Variants in MAP2 observed in about 807,000 individuals in gnomAD.
The protein encoded by MAP2 is microtubule associated protein 2.
MAP2 carries 14 observed loss-of-function variants against 137.6 expected under a neutral mutation model. The observed-to-expected ratio is 0.10, with a 90% CI of 0.07 to 0.16. The LOEUF is 0.16. Among genes scored for constraint, MAP2 ranks in the 10% least tolerant of loss-of-function variants. MAP2 has a pLI of 1.00. For synonymous variants in MAP2, 786 were observed against 782.3 expected, an observed-to-expected ratio of 1.00 and a Z score of -0.08; for missense variants, 2,088 against 2,191.5, an observed-to-expected ratio of 0.95 and a Z score of 0.94.
At chr2:209,466,773 T>G (rs1704230236) in intron 1 of MAP2, among the ~76,000 whole-genome samples, 1 of 152,092 alleles carries the variant, frequency 6.6e-6, no homozygotes, top group Non-Finnish European at 1.5e-5. Context: ...ACTTGTGGAG[T>G]TTCTCTAATG....
chr2:209,518,456 A>G (rs960740292), intron 2 of MAP2, among the ~76,000 whole-genome samples: 3 of 152,078 alleles, frequency 2.0e-5, no homozygotes, highest in Admixed American at 1.3e-4. Context: ...ACATTTCTTG[A>G]AAGGGGTCTA....
intron 3 of MAP2, among the ~76,000 whole-genome samples, chr2:209,588,604 G>A (rs1187548364): frequency 1.3e-5 from 2 of 152,036 alleles, no homozygotes; most frequent in Non-Finnish European, 2.9e-5. Context: ...GTTGTACTTA[G>A]TTTTCTTTAA....
At chr2:209,485,382 T>G (rs2058252200) in intron 1 of MAP2, among the ~76,000 whole-genome samples, 2 of 151,000 alleles carry the variant, frequency 1.3e-5, no homozygotes, top group African/African-American at 2.4e-5. Flanking sequence ...TCCTATAACT[T>G]TTTTTTTTAT....
At chr2:209,628,701 T>C (rs935869833) in intron 4 of MAP2, among the ~76,000 whole-genome samples, 4 of 152,160 alleles carry the variant, frequency 2.6e-5, no homozygotes, top group Admixed American at 6.6e-5. Flanking sequence ...ACTCCTACAA[T>C]GGCCAACAAG....
intron 4 of MAP2, among the ~76,000 whole-genome samples, chr2:209,633,993 G>A (rs140984073): frequency 1.3e-5 from 2 of 152,160 alleles, no homozygotes; most frequent in Non-Finnish European, 2.9e-5. Context: ...TGCACATTCT[G>A]TCTGCACATT....
chr2:209,449,361 A>G (rs1699822313), intron 1 of MAP2, among the ~76,000 whole-genome samples: 1 of 152,208 alleles, frequency 6.6e-6, no homozygotes, highest in Non-Finnish European at 1.5e-5. Flanking sequence ...AACTACAAAA[A>G]TACTTGAGAG....
intron 4 of MAP2, among the ~76,000 whole-genome samples, chr2:209,632,575 A>C (rs1365510536): frequency 6.6e-6 from 1 of 152,144 alleles, no homozygotes; most frequent in Non-Finnish European, 1.5e-5. Flanking sequence ...CAGTCCTGAG[A>C]CCACCAAACA....
intron 4 of MAP2, among the ~76,000 whole-genome samples, chr2:209,635,334 T>G (rs1211425001): frequency 6.6e-6 from 1 of 152,128 alleles, no homozygotes; most frequent in Non-Finnish European, 1.5e-5. Flanking sequence ...AAAGACAAAT[T>G]GGCATAGCCA....
intron 2 of MAP2, among the ~76,000 whole-genome samples, chr2:209,524,372 G>A (rs2063721913): frequency 1.3e-5 from 2 of 151,382 alleles, no homozygotes; most frequent in East Asian, 1.9e-4. Flanking sequence ...GTCAGGGAGA[G>A]TTTTCAACAA....
intron 4 of MAP2, among the ~76,000 whole-genome samples, chr2:209,627,875 TTGCCTAGCCA>T (rs1382086111): frequency 1.3e-5 from 2 of 152,148 alleles, no homozygotes; most frequent in African/African-American, 4.8e-5. Flanking sequence ...ACCTTTGAAA[TTGCCTAGCCA>T]TGCCAATTCA....
intron 2 of MAP2, among the ~76,000 whole-genome samples, chr2:209,530,298 C>T (rs551227851): frequency 2.4e-4 from 36 of 152,216 alleles, no homozygotes; most frequent in African/African-American, 7.5e-4. Context: ...GTTATTTCAT[C>T]GTACTTTGCT....
Position 209,694,358 on chromosome 2 carries a change from G to T in MAP2, c.2188G>T (p.Asp730Tyr). 1 of 1,613,982 alleles carries T rather than the reference G, an allele frequency of 6.2e-7. No homozygotes were observed. Among genetic ancestry groups the T allele is most frequent in the Non-Finnish European group, 8.5e-7 (1 of 1,179,972 alleles). The change falls in exon 8 of 16, where the codon GAT (aspartate) becomes TAT (tyrosine). Residue 730 changes from aspartate to tyrosine, a missense_variant. This residue lies in a region of MAP2 where 500 missense variants were observed against 482.9 expected (regional missense o/e 1.04). Transcript: ENST00000682079. ...RGHDLSPLASDILTNTSGSMD... is the reference protein window; with the variant it reads ...RGHDLSPLASYILTNTSGSMD... ...ACATGATCTTTCTCCTCTGGCTTCC[G>T]ATATTCTAACCAACACTAGTGGAAG...
chr2:209,469,065 G>A (rs1483155130), intron 1 of MAP2, among the ~76,000 whole-genome samples: 1 of 152,220 alleles, frequency 6.6e-6, no homozygotes, highest in East Asian at 1.9e-4. Flanking sequence ...AGAGTTAGAA[G>A]AGATTTGGGG....
intron 2 of MAP2, among the ~76,000 whole-genome samples, chr2:209,552,650 C>CA (rs2069462609): frequency 6.6e-6 from 1 of 151,988 alleles, no homozygotes; most frequent in African/African-American, 2.4e-5. Flanking sequence ...ATCACGAGGT[C>CA]AGGAGTTTGA....
At chr2:209,495,273 A>G (rs924784113) in intron 1 of MAP2, among the ~76,000 whole-genome samples, 18 of 152,310 alleles carry the variant, frequency 1.2e-4, no homozygotes, top group Middle Eastern at 3.4e-3. Flanking sequence ...GCCGACTTAA[A>G]CGTTCCTGCC....
intron 13 of MAP2, among the ~76,000 whole-genome samples, chr2:209,714,212 TAAATA>T (rs1452633482): frequency 1.3e-5 from 2 of 151,982 alleles, no homozygotes; most frequent in East Asian, 3.9e-4. Flanking sequence ...AATAAATAAA[TAAATA>T]AATAAAATTT....
At chr2:209,682,490 AAAAT>A (rs953743976) in intron 7 of MAP2, among the ~76,000 whole-genome samples, 8 of 152,180 alleles carry the variant, frequency 5.3e-5, no homozygotes, top group African/African-American at 9.7e-5. Flanking sequence ...ACTCCATCTC[AAAAT>A]AAATAAATAA....
chr2:209,595,241 C>G (rs2080930428), intron 3 of MAP2, among the ~76,000 whole-genome samples: 1 of 152,056 alleles, frequency 6.6e-6, no homozygotes, highest in Admixed American at 6.6e-5. Flanking sequence ...TGTGTGTGAT[C>G]CTTGTCTTGG....
chr2:209,697,376 T>C (rs998726401), intron 10 of MAP2, among the ~76,000 whole-genome samples: 1 of 152,170 alleles, frequency 6.6e-6, no homozygotes, highest in Non-Finnish European at 1.5e-5. Flanking sequence ...AACTGTGGTA[T>C]GCATTCTCAT....
Sources: allele counts gnomAD v4.1 joint callset (sites outside exome capture counted in the v4.1 genomes callset), GRCh38; gene constraint gnomAD v4.1.1; regional missense constraint gnomAD v4.1.1; transcripts MANE v1.5; gene names NCBI Gene and HGNC (gene_info 2026-07-23, HGNC 2026-07-21).